The following PGR variants were observed in gnomAD, a reference collection of about 807,000 sequenced individuals.
PGR encodes nuclear receptor subfamily 3 group C member 3.
In PGR, 25 loss-of-function variants were observed where a neutral mutation model predicts 76.1. That is an observed-to-expected ratio of 0.33 (90% confidence interval 0.24 to 0.46). PGR has a LOEUF of 0.46. Ranked by LOEUF, PGR falls within the 20% of genes least tolerant of loss-of-function variation. PGR has a pLI of 1.00. For synonymous variants in PGR, 579 were observed against 535.0 expected, an observed-to-expected ratio of 1.08 and a Z score of -1.14; for missense variants, 1,172 against 1,225.3, an observed-to-expected ratio of 0.96 and a Z score of 0.65.
At chr11:101,061,569 T>C (rs1860499566) in intron 4 of PGR, among the ~76,000 whole-genome samples, 1 of 152,198 alleles carries the variant, frequency 6.6e-6, no homozygotes, top group Non-Finnish European at 1.5e-5. Flanking sequence ...TAAAAGGACA[T>C]AATATGTTTA....
intron 2 of PGR, among the ~76,000 whole-genome samples, chr11:101,110,972 G>A (rs1333078378): frequency 2.0e-5 from 3 of 151,948 alleles, no homozygotes; most frequent in Non-Finnish European, 4.4e-5. Flanking sequence ...TTTCAATCAG[G>A]GTATGTACAT....
intron 5 of PGR, among the ~76,000 whole-genome samples, chr11:101,050,795 A>G (rs1233686414): frequency 6.6e-6 from 1 of 152,112 alleles, no homozygotes; most frequent in Non-Finnish European, 1.5e-5. Flanking sequence ...TCTAAACTGT[A>G]CAATGAAGAA....
intron 3 of PGR, among the ~76,000 whole-genome samples, chr11:101,071,636 A>G (rs1260833078): frequency 6.6e-6 from 1 of 151,912 alleles, no homozygotes; most frequent in African/African-American, 2.4e-5. Flanking sequence ...AACATAAATG[A>G]CCTGATGGAG....
chr11:101,097,221 T>C (rs985246605), intron 2 of PGR, among the ~76,000 whole-genome samples: 1 of 152,202 alleles, frequency 6.6e-6, no homozygotes, highest in African/African-American at 2.4e-5. Flanking sequence ...TTCTTTATGC[T>C]CCAGAGTACT....
intron 2 of PGR, among the ~76,000 whole-genome samples, chr11:101,103,756 G>T (rs1862065326): frequency 1.3e-5 from 2 of 151,968 alleles, no homozygotes; most frequent in Non-Finnish European, 2.9e-5. Context: ...TCCTTCTCAT[G>T]AAAAATTTTA....
intron 3 of PGR, among the ~76,000 whole-genome samples, chr11:101,067,265 T>G: frequency 6.6e-6 from 1 of 152,214 alleles, no homozygotes; most frequent in East Asian, 1.9e-4. Flanking sequence ...TGTTTTTATC[T>G]ATCCTATAGA....
At chr11:101,108,414 C>T (rs495210) in intron 2 of PGR, among the ~76,000 whole-genome samples, 17,781 of 152,064 alleles carry the variant, frequency 0.12, 1,353 homozygotes, top group Non-Finnish European at 0.16. Context: ...ATCACTTCAG[C>T]CCAGGAGTTC....
At chr11:101,056,952 C>A (rs666207) in intron 4 of PGR, among the ~76,000 whole-genome samples, 1 of 152,002 alleles carries the variant, frequency 6.6e-6, no homozygotes, top group Non-Finnish European at 1.5e-5. Context: ...TAAGGTAGTA[C>A]AGTTCTTTGC....
At position 101,128,316 on chromosome 11, in the gene PGR, C is replaced by T. The variant is rs1862956527; in HGVS notation, c.755G>A (p.Gly252Glu). The T allele has an allele frequency of 2.5e-6, 4 of 1,594,396 alleles. No homozygotes were observed. Among genetic ancestry groups the T allele is most frequent in the Non-Finnish European group, 3.4e-6 (4 of 1,176,586 alleles). Residue 252 changes from glycine to glutamate, a missense_variant, in exon 1 of 8, where the codon GGA (glycine) becomes GAA (glutamate). Coordinates refer to ENST00000325455, the MANE Select transcript of PGR (RefSeq NM_000926.4). ...RALGGAAAGG[G>E]AAAVPPGAAA... is the part of the protein sequence containing the mutation. The stretch of plus-strand genomic sequence containing the variant: ...CGCCCCCGGCGGGACAGCCGCGGCT[C>T]CTCCTCCAGCCGCCGCGCCACCCAG...
At position 101,126,708 on chromosome 11, in the gene PGR, CT is replaced by C. The variant is rs534045184; in HGVS notation, c.1638-551del. The stretch of plus-strand genomic sequence containing the variant: ...AACATAAGATTCCAAACAGAGCATT[CT>C]TTTTTTACATTCCATTACTTCAGTA... On this transcript the variant is annotated intron_variant, in intron 1 of 7. Transcript: ENST00000325455. 1.7e-3 allele frequency among the ~76,000 whole-genome samples: 252 copies of C among 152,248 alleles called. 1 individual carries two copies. Among genetic ancestry groups the C allele is most frequent in the African/African-American group, 5.7e-3 (238 of 41,552 alleles).
At chr11:101,127,276 G>C (rs1195077771) in intron 1 of PGR, among the ~76,000 whole-genome samples, 158 bp downstream of exon 1, 6 of 152,198 alleles carry the variant, frequency 3.9e-5, no homozygotes, top group Admixed American at 3.9e-4. Flanking sequence ...GAAGAAGGGA[G>C]GCAACTGCCC....
In PGR at chr11:101,038,656, T is replaced by A. The variant is rs958451975; in HGVS notation, c.*460A>T. On this transcript the variant is annotated 3_prime_UTR_variant, in exon 8 of 8. Coordinates refer to ENST00000325455, the MANE Select transcript of PGR (RefSeq NM_000926.4). ...TATGAATTTCCTCCTCACACAAATA[T>A]ATATAGACAAAATTTTGCATACCAT... 8 of 232,152 alleles carry A rather than the reference T, an allele frequency of 3.4e-5. No homozygotes were observed. Among genetic ancestry groups the A allele is most frequent in the Admixed American group, 2.8e-4 (5 of 17,972 alleles). 14.4% of individuals were successfully genotyped at this position (232,152 alleles called of 1,614,324 possible).
At chr11:101,124,243 G>C (rs950608936) in intron 2 of PGR, among the ~76,000 whole-genome samples, 1 of 152,128 alleles carries the variant, frequency 6.6e-6, no homozygotes, top group Non-Finnish European at 1.5e-5. Context: ...GAGTACATTT[G>C]GAAAGACTTC....
At chr11:101,105,309 C>T (rs914931082) in intron 2 of PGR, among the ~76,000 whole-genome samples, 5 of 152,074 alleles carry the variant, frequency 3.3e-5, no homozygotes, top group Admixed American at 6.5e-5. Context: ...AGACTCTCAA[C>T]CTCTGGAATC....
intron 4 of PGR, among the ~76,000 whole-genome samples, chr11:101,061,659 T>A (rs1033025843): frequency 9.9e-5 from 15 of 152,208 alleles, no homozygotes; most frequent in African/African-American, 3.6e-4. Context: ...TGTAGTTTTT[T>A]AAAAAGTTCT....
rs2135368215 is a variant in PGR at position 101,033,658 on chromosome 11, G to A, written c.*5458C>T. ...CTATTTCTTAATAGAAGTACAGTTT[G>A]GTGGATAGATACTTCAAGGTATAGA... On this transcript the variant is annotated 3_prime_UTR_variant, in exon 8 of 8. Transcript: ENST00000325455. The A allele has an allele frequency of 5.0e-6, 1 of 201,476 alleles. No individual in the cohort carries two copies. Among genetic ancestry groups the A allele is most frequent in the African/African-American group, 2.3e-5 (1 of 43,708 alleles). The allele number at this position is 201,476 out of a possible 1,614,324, so 12.5% of individuals were successfully genotyped here.
At chr11:101,068,337 G>C (rs891574889) in intron 3 of PGR, among the ~76,000 whole-genome samples, 3 of 151,972 alleles carry the variant, frequency 2.0e-5, no homozygotes, top group African/African-American at 7.3e-5. Context: ...CCTCTTCAAG[G>C]AGAACTACAA....
rs114407548 is a variant in PGR at position 101,034,319 on chromosome 11, A to C, written c.*4797T>G. The C allele has an allele frequency of 1.1e-3, 249 of 217,846 alleles. 1 individual carries two copies. The highest frequency in any genetic ancestry group is 4.9e-3 in the African/African-American group (217 of 44,534). The allele number at this position is 217,846 out of a possible 1,614,324, so 13.5% of individuals were successfully genotyped here. ...GTCTTCCAGACTCCACAGCTGCATAAGGCTGCGGACAAGCTTGGGCGCAGC... is the reference window on the plus strand; with the variant it reads ...GTCTTCCAGACTCCACAGCTGCATACGGCTGCGGACAAGCTTGGGCGCAGC... On this transcript the variant is annotated 3_prime_UTR_variant, in exon 8 of 8. Coordinates refer to ENST00000325455, the MANE Select transcript of PGR (RefSeq NM_000926.4).
intron 2 of PGR, among the ~76,000 whole-genome samples, chr11:101,124,630 A>C (rs562492383): frequency 6.6e-6 from 1 of 152,298 alleles, no homozygotes; most frequent in South Asian, 2.1e-4. Context: ...AATCATATTA[A>C]TGCAGAAGGC....
Sources: gnomAD v4.1 joint callset for allele counts (sites outside exome capture counted in the v4.1 genomes callset) on GRCh38, gnomAD v4.1.1 for gene constraint, MANE v1.5 for transcripts, NCBI Gene and HGNC (gene_info 2026-07-23, HGNC 2026-07-21) for gene names.